The following PLXDC2 variants were observed in gnomAD, a reference collection of about 807,000 sequenced individuals.
The protein encoded by PLXDC2 is plexin domain containing 2, also known as plexin domain-containing protein 2.
Under a neutral mutation model 68.9 loss-of-function variants are expected in PLXDC2, and 40 were observed. The observed-to-expected ratio is 0.58, with a 90% CI of 0.45 to 0.76. PLXDC2 has a LOEUF of 0.76. Among genes scored for constraint, PLXDC2 ranks in the 30% least tolerant of loss-of-function variants. PLXDC2 has a pLI of 0.00. For missense variants in PLXDC2, 644 were observed against 661.9 expected (o/e 0.97, Z 0.30); for synonymous variants, 243 against 234.2 (o/e 1.04, Z -0.34).
chr10:20,049,234 A>G (rs912620759), intron 3 of PLXDC2, among the ~76,000 whole-genome samples: 1 of 152,160 alleles, frequency 6.6e-6, no homozygotes, highest in African/African-American at 2.4e-5. Context: ...GCCATCTATG[A>G]CAAACCCACA....
At chr10:20,113,883 T>C (rs998161332) in intron 4 of PLXDC2, among the ~76,000 whole-genome samples, 9 of 152,134 alleles carry the variant, frequency 5.9e-5, no homozygotes, top group African/African-American at 2.2e-4. Flanking sequence ...CCCAGCACTT[T>C]GGGAGGCTGA....
At chr10:20,123,393 C>T (rs929970928) in intron 4 of PLXDC2, among the ~76,000 whole-genome samples, 5 of 152,014 alleles carry the variant, frequency 3.3e-5, no homozygotes, top group African/African-American at 7.3e-5. Context: ...AATGCCTGGA[C>T]GTCAGGCATC....
At chr10:19,908,328 T>C (rs1185146439) in intron 1 of PLXDC2, among the ~76,000 whole-genome samples, 1 of 152,208 alleles carries the variant, frequency 6.6e-6, no homozygotes, top group Non-Finnish European at 1.5e-5. Flanking sequence ...TATTTTGATC[T>C]ATTTCTCTAC....
intron 1 of PLXDC2, among the ~76,000 whole-genome samples, chr10:19,893,125 C>T (rs906071843): frequency 4.6e-5 from 7 of 152,032 alleles, no homozygotes; most frequent in African/African-American, 1.7e-4. Flanking sequence ...GGCTTATGCA[C>T]GCTATGGTTG....
intron 9 of PLXDC2, among the ~76,000 whole-genome samples, chr10:20,191,475 G>A (rs923814517): frequency 6.6e-6 from 1 of 151,188 alleles, no homozygotes; most frequent in Non-Finnish European, 1.5e-5. Flanking sequence ...TCTGATCACC[G>A]AGAAGACCTC....
intron 13 of PLXDC2, among the ~76,000 whole-genome samples, chr10:20,246,500 C>T (rs1398366579): frequency 6.6e-6 from 1 of 152,226 alleles, no homozygotes; most frequent in African/African-American, 2.4e-5. Flanking sequence ...GAGGCAAACA[C>T]TACCACACCC....
Position 20,254,654 on chromosome 10 carries a change from G to A in PLXDC2, c.1473+9149G>A, listed in dbSNP as rs575335915. The stretch of plus-strand genomic sequence containing the variant: ...GCCTGCTGCAAGGAAAGAAAGATAA[G>A]GCAAAACACATCTGACATGGTTTGA... On this transcript the variant is annotated intron_variant, in intron 13 of 13. Transcript: ENST00000377252. 3.9e-5 allele frequency among the ~76,000 whole-genome samples: 6 copies of A among 152,118 alleles called. No individual in the cohort carries two copies. In the East Asian group the frequency reaches 1.2e-3, roughly 29 times the overall value.
At chr10:20,244,511 C>T (rs778871850) in intron 12 of PLXDC2, among the ~76,000 whole-genome samples, 1 of 152,184 alleles carries the variant, frequency 6.6e-6, no homozygotes, top group Non-Finnish European at 1.5e-5. Flanking sequence ...GGTCATTAAG[C>T]ATCCATCTGT....
At position 20,026,500 on chromosome 10, in the gene PLXDC2, G is replaced by C. The variant is rs577686654; in HGVS notation, c.325-20369G>C. 2.0e-5 allele frequency among the ~76,000 whole-genome samples: 3 copies of C among 152,274 alleles called. No individual in the cohort carries two copies. The South Asian group carries it at 6.2e-4, about 32-fold the overall frequency. On this transcript the variant is annotated intron_variant, in intron 2 of 13. Transcript: ENST00000377252. ...AGTGAAGTGGTATCTTTTCAGGAAA[G>C]TGGTTCAACTTTTAGCTTTTTAAGG...
chr10:19,880,385 A>C (rs1017249784), intron 1 of PLXDC2, among the ~76,000 whole-genome samples: 1 of 152,222 alleles, frequency 6.6e-6, no homozygotes, highest in Non-Finnish European at 1.5e-5. Context: ...GATGAAGTTT[A>C]AATAAATTAT....
intron 13 of PLXDC2, among the ~76,000 whole-genome samples, chr10:20,248,965 A>G (rs1835635743): frequency 1.3e-5 from 2 of 152,226 alleles, no homozygotes; most frequent in African/African-American, 2.4e-5. Context: ...TGTAAAAGGA[A>G]GAAGAAACGC....
intron 9 of PLXDC2, among the ~76,000 whole-genome samples, chr10:20,182,233 T>G (rs1370613211): frequency 6.6e-6 from 1 of 151,932 alleles, no homozygotes; most frequent in Non-Finnish European, 1.5e-5. Flanking sequence ...TCATGTTCCT[T>G]TACAGCGAAT....
intron 12 of PLXDC2, among the ~76,000 whole-genome samples, chr10:20,223,273 TAAC>T (rs1349302503): frequency 6.6e-6 from 1 of 151,730 alleles, no homozygotes; most frequent in East Asian, 1.9e-4. Flanking sequence ...TCCAAGTCTT[TAAC>T]AACATCATGG....
At chr10:19,956,634 T>G (rs796681518) in intron 1 of PLXDC2, among the ~76,000 whole-genome samples, 70 of 152,268 alleles carry the variant, frequency 4.6e-4, no homozygotes, top group African/African-American at 1.6e-3. Flanking sequence ...TGAGCAAATG[T>G]ACACATGGAA....
intron 13 of PLXDC2, among the ~76,000 whole-genome samples, chr10:20,273,522 C>T (rs2681945): frequency 0.46 from 69,153 of 151,882 alleles, 17,258 homozygotes; most frequent in Middle Eastern, 0.62. Context: ...ACATAGAGCA[C>T]GATATAGATA....
chr10:20,039,203 G>A (rs1352597331), intron 2 of PLXDC2, among the ~76,000 whole-genome samples: 1 of 152,086 alleles, frequency 6.6e-6, no homozygotes, highest in African/African-American at 2.4e-5. Context: ...TGTGTGTCCA[G>A]TTTACTGTCG....
At chr10:20,056,149 A>G (rs777064813) in intron 3 of PLXDC2, among the ~76,000 whole-genome samples, 2 of 152,192 alleles carry the variant, frequency 1.3e-5, no homozygotes, top group African/African-American at 4.8e-5. Context: ...CATACAATAT[A>G]TTCAAATGAG....
intron 1 of PLXDC2, among the ~76,000 whole-genome samples, chr10:19,905,495 T>C (rs964327048): frequency 4.6e-5 from 7 of 152,204 alleles, no homozygotes; most frequent in Admixed American, 2.0e-4. Flanking sequence ...AAGGAGGCAT[T>C]CTGAGTAAGT....
intron 1 of PLXDC2, among the ~76,000 whole-genome samples, chr10:19,900,985 G>A (rs1042452676): frequency 8.4e-5 from 5 of 59,648 alleles, no homozygotes; most frequent in African/African-American, 6.5e-4. Context: ...TGTGTGATGT[G>A]TGTGTGTGTG....
Sources: gnomAD v4.1 joint callset for allele counts (sites outside exome capture counted in the v4.1 genomes callset) on GRCh38, gnomAD v4.1.1 for gene constraint, MANE v1.5 for transcripts, NCBI Gene and HGNC (gene_info 2026-07-23, HGNC 2026-07-21) for gene names.